The following PDCD6IP variants were observed in gnomAD, a reference collection of about 807,000 sequenced individuals.
PDCD6IP encodes programmed cell death 6 interacting protein.
PDCD6IP carries 43 observed loss-of-function variants against 103.7 expected under a neutral mutation model. The observed-to-expected ratio is 0.41, with a 90% confidence interval of 0.32 to 0.53. The LOEUF (loss-of-function observed/expected upper bound fraction) is 0.53, where lower values mean the gene tolerates loss of function less well. Among genes scored for constraint, PDCD6IP ranks in the 20% least tolerant of loss-of-function variants. The pLI is 0.16. For missense variants in PDCD6IP, 871 were observed against 1,036.7 expected, an observed-to-expected ratio of 0.84 and a Z score of 2.20; for synonymous variants, 354 against 378.7, an observed-to-expected ratio of 0.93 and a Z score of 0.76.
At position 33,825,354 on chromosome 3, in the gene PDCD6IP, A is replaced by G. The variant is rs764273212; in HGVS notation, c.616+14A>G. ...AAGCCACAAGAGGTAACTCCAATTT[A>G]TCTTTTTGTTGCATGTGAAAAAAAG... On this transcript the variant is annotated intron_variant, in intron 5 of 17. Transcript: ENST00000307296. 19 of 1,580,912 alleles carry G rather than the reference A, an allele frequency of 1.2e-5. 1 individual carries two copies. The Middle Eastern group carries it at 8.5e-4, about 71-fold the overall frequency.
chr3:33,823,044 TG>T (rs201122948), intron 4 of PDCD6IP, among the ~76,000 whole-genome samples: 1,724 of 152,286 alleles, frequency 0.011, 34 homozygotes, highest in African/African-American at 0.037. Flanking sequence ...TATATAATCA[TG>T]TTGTCATTTT....
rs1024183421 is a variant in PDCD6IP, at chr3:33,864,250, C to T, written c.2244+121C>T. ...GTGGTTACCACCTGCATCAGGTAAC[C>T]AACCTTCTGATATTTTGCAATATGT... On this transcript the variant is annotated intron_variant, in intron 16 of 17. Coordinates refer to ENST00000307296, the MANE Select transcript of PDCD6IP (RefSeq NM_013374.6). The T allele has an allele frequency of 9.4e-6, 6 of 636,958 alleles. 1 individual carries two copies. In the Admixed American group the frequency reaches 1.8e-4, roughly 19 times the overall value. 39.5% of individuals were successfully genotyped at this position (636,958 alleles called of 1,614,324 possible).
rs549011919 is a variant in PDCD6IP at position 33,799,431 on chromosome 3, A to T, written c.209+494A>T. 2.6e-5 allele frequency: 4 copies of T among 153,860 alleles called. No homozygotes were observed. The Middle Eastern group carries it at 0.01, about 387-fold the overall frequency. The allele number at this position is 153,860 out of a possible 1,614,324, so 9.5% of individuals were successfully genotyped here. The stretch of plus-strand genomic sequence containing the variant: ...TCATCACATTGTCCACATGAAATGG[A>T]CCGTCTTCCTCAGTTCAAAATAATC... On this transcript the variant is annotated intron_variant, in intron 1 of 17. Coordinates refer to ENST00000307296, the MANE Select transcript of PDCD6IP (RefSeq NM_013374.6).
intron 7 of PDCD6IP, among the ~76,000 whole-genome samples, chr3:33,832,361 G>A (rs577907019): frequency 1.3e-5 from 2 of 152,130 alleles, no homozygotes; most frequent in Non-Finnish European, 2.9e-5. Flanking sequence ...CATCACATTA[G>A]GAGTTAGGGA....
At position 33,868,648 on chromosome 3, in the gene PDCD6IP, T is replaced by C. The variant is rs995433160; in HGVS notation, c.*2123T>C. ...AATAAATGCAGCCCTTTATTACTGT[T>C]AAGGATCATACTGTTGGTTTGGAGT... is the stretch of plus-strand genomic sequence containing the variant. On this transcript the variant is annotated 3_prime_UTR_variant, in exon 18 of 18. Coordinates refer to ENST00000307296, the MANE Select transcript of PDCD6IP (RefSeq NM_013374.6). 2 of 152,252 alleles carry C rather than the reference T, an allele frequency of 1.3e-5. No homozygotes were observed. The highest frequency in any genetic ancestry group is 2.9e-5 in the Non-Finnish European group (2 of 68,052). 9.4% of individuals were successfully genotyped at this position (152,252 alleles called of 1,614,324 possible). A position where few individuals can be genotyped will look rare whatever the true frequency, so the allele number is the denominator to read the frequency against.
intron 7 of PDCD6IP, among the ~76,000 whole-genome samples, chr3:33,833,429 T>A (rs915805278): frequency 6.6e-6 from 1 of 152,296 alleles, no homozygotes; most frequent in East Asian, 1.9e-4. Context: ...TTTTTCTTGT[T>A]CTGTATGTTT....
chr3:33,850,233 A>G (rs1382407344), intron 12 of PDCD6IP, among the ~76,000 whole-genome samples: 1 of 152,154 alleles, frequency 6.6e-6, no homozygotes, highest in African/African-American at 2.4e-5. Context: ...TAAGTCCATT[A>G]TGGTCTCTAA....
At chr3:33,803,401 A>G (rs1270400794) in intron 1 of PDCD6IP, among the ~76,000 whole-genome samples, 2 of 152,150 alleles carry the variant, frequency 1.3e-5, no homozygotes, top group African/African-American at 2.4e-5. Context: ...CTGAGGTTGA[A>G]CAGTTTTTGT....
intron 10 of PDCD6IP, among the ~76,000 whole-genome samples, chr3:33,842,451 A>G (rs1270705155): frequency 2.0e-5 from 3 of 151,714 alleles, no homozygotes; most frequent in African/African-American, 7.3e-5. Context: ...GGAAGGTTAA[A>G]CCCTTTAATT....
intron 15 of PDCD6IP, 162 bp from the exon 16 acceptor site, chr3:33,863,844 C>T: frequency 1.6e-6 from 1 of 608,314 alleles, no homozygotes. Flanking sequence ...ATACTGTTTT[C>T]CATAGTCACT....
rs996578911 is a variant in PDCD6IP, at chr3:33,798,856, CGGA to C, written c.133_135del (p.Glu45del). 1 of 1,552,844 alleles carries C rather than the reference CGGA, an allele frequency of 6.4e-7. No individual in the cohort carries two copies. The highest frequency in any genetic ancestry group is 1.4e-5 in the African/African-American group (1 of 73,094). On this transcript the variant is annotated inframe_deletion, in exon 1 of 18. Transcript: ENST00000307296. ...GAGCAGGCCCAGTACTGCCGCGCGG[CGGA>C]GGAGCTCAGCAAGCTGCGCCGCGCC...
chr3:33,822,706 A>T (rs10460995), intron 4 of PDCD6IP, among the ~76,000 whole-genome samples: 1 of 151,958 alleles, frequency 6.6e-6, no homozygotes, highest in South Asian at 2.1e-4. Context: ...CCCAGGCTGG[A>T]GTGCAGTGGC....
chr3:33,861,745 T>G (rs1261038061), intron 15 of PDCD6IP, among the ~76,000 whole-genome samples: 1 of 152,228 alleles, frequency 6.6e-6, no homozygotes, highest in Non-Finnish European at 1.5e-5. Context: ...ATTATCTCAT[T>G]GTATGATTTT....
intron 1 of PDCD6IP, among the ~76,000 whole-genome samples, chr3:33,804,234 C>A (rs978900099): frequency 1.3e-5 from 2 of 152,182 alleles, no homozygotes; most frequent in Non-Finnish European, 2.9e-5. Flanking sequence ...TAGAGCACAT[C>A]CCGCCTGCAG....
intron 1 of PDCD6IP, among the ~76,000 whole-genome samples, chr3:33,809,159 C>CTTTTTT (rs1696662381): frequency 6.6e-6 from 1 of 152,196 alleles, no homozygotes; most frequent in Admixed American, 6.5e-5. Context: ...CTCCATGGCA[C>CTTTTTT]TTACCACTGT....
intron 7 of PDCD6IP, among the ~76,000 whole-genome samples, chr3:33,833,021 T>C (rs1697274775): frequency 6.6e-6 from 1 of 152,200 alleles, no homozygotes; most frequent in Non-Finnish European, 1.5e-5. Flanking sequence ...AGTATTTCGC[T>C]ATTTTGTGTT....
At position 33,798,907 on chromosome 3, in the gene PDCD6IP, A is replaced by G. The variant is rs1437495330; in HGVS notation, c.179A>G (p.Lys60Arg). The change falls in exon 1 of 18, where the codon AAG becomes AGG. Residue 60 changes from lysine to arginine, a missense_variant. Physicochemically the swap from Lys to Arg is conservative, Grantham distance 26. This residue lies in a region of PDCD6IP where 114 missense variants were observed against 106.7 expected (regional missense o/e 1.07). Coordinates refer to ENST00000307296, the MANE Select transcript of PDCD6IP (RefSeq NM_013374.6). ...GCCGCAGTCGGTCGTCCGCTGGACA[A>G]GCACGAGGGCGCGCTCGAGACGCTC... ...RRAAVGRPLDKHEGALETLLR... is the reference protein window; with the variant it reads ...RRAAVGRPLDRHEGALETLLR... 1 of 1,542,578 alleles carries G rather than the reference A, an allele frequency of 6.5e-7. No homozygotes were observed. The highest frequency in any genetic ancestry group is 2.5e-5 in the East Asian group (1 of 40,622).
At chr3:33,803,686 T>C (rs1211701795) in intron 1 of PDCD6IP, among the ~76,000 whole-genome samples, 1 of 152,182 alleles carries the variant, frequency 6.6e-6, no homozygotes, top group Non-Finnish European at 1.5e-5. Context: ...ATGTTGTGCA[T>C]GTGTTATGTG....
At chr3:33,850,785 CTCCT>C (rs1190010787) in intron 12 of PDCD6IP, among the ~76,000 whole-genome samples, 1 of 152,006 alleles carries the variant, frequency 6.6e-6, no homozygotes, top group African/African-American at 2.4e-5. Flanking sequence ...CTTTCTCCTC[CTCCT>C]TCCTTTTAGA....
Sources: allele counts gnomAD v4.1 joint callset (sites outside exome capture counted in the v4.1 genomes callset), GRCh38; gene constraint gnomAD v4.1.1; regional missense constraint gnomAD v4.1.1; transcripts MANE v1.5; gene names NCBI Gene and HGNC (gene_info 2026-07-23, HGNC 2026-07-21).